Variants in DOCK5 observed in about 807,000 individuals in gnomAD.
The protein encoded by DOCK5 is dedicator of cytokinesis 5, also known as dedicator of cytokinesis protein 5.
Under a neutral mutation model 251.8 loss-of-function variants are expected in DOCK5, and 142 were observed. That is an observed-to-expected ratio of 0.56 (90% CI 0.49 to 0.65). DOCK5 has a LOEUF of 0.65. Ranked by LOEUF, DOCK5 falls within the 30% of genes least tolerant of loss-of-function variation. The probability of loss-of-function intolerance (pLI) is 0.00; values close to 1 mark genes in which losing one functional copy is unlikely to be tolerated. For synonymous variants in DOCK5, 842 were observed against 835.5 expected (o/e 1.01, Z -0.13); for missense variants, 2,111 against 2,312.3 (o/e 0.91, Z 1.79).
At chr8:25,361,032 A>T (rs1800669252) in intron 28 of DOCK5, among the ~76,000 whole-genome samples, 1 of 152,178 alleles carries the variant, frequency 6.6e-6, no homozygotes, top group South Asian at 2.1e-4. Flanking sequence ...TACCGTGCAC[A>T]GCTAGGCCTT....
At chr8:25,193,792 G>T (rs548822554) in intron 1 of DOCK5, among the ~76,000 whole-genome samples, 1 of 151,926 alleles carries the variant, frequency 6.6e-6, no homozygotes, top group South Asian at 2.1e-4. Flanking sequence ...TAAGAGAAAT[G>T]TGGCAGTAAA....
chr8:25,214,534 C>T (rs1191648000), intron 1 of DOCK5, among the ~76,000 whole-genome samples: 24 of 152,080 alleles, frequency 1.6e-4, no homozygotes, highest in Non-Finnish European at 8.8e-5. Context: ...AACATCCAGG[C>T]GGGTGACACA....
chr8:25,403,758 G>C, intron 48 of DOCK5, 34 bp downstream of exon 48: 1 of 1,608,764 alleles, frequency 6.2e-7, no homozygotes, highest in Non-Finnish European at 8.5e-7. Context: ...CAGGAAGGGT[G>C]GGGTAACGCC....
intron 5 of DOCK5, among the ~76,000 whole-genome samples, chr8:25,291,682 C>CAA (rs5890216): frequency 0.86 from 101,649 of 118,158 alleles, 44,893 homozygotes; most frequent in Non-Finnish European, 0.95. Flanking sequence ...GACTCCGTCT[C>CAA]AAAAAAAAAA....
rs201421426 is a variant in DOCK5, at chr8:25,401,037, G to A, written c.4897G>A (p.Val1633Ile). 2.6e-5 allele frequency: 42 copies of A among 1,614,036 alleles called. No individual in the cohort carries two copies. The highest frequency in any genetic ancestry group is 6.8e-6 in the Non-Finnish European group (8 of 1,179,898). Residue 1633 changes from valine (V) to isoleucine (I), a missense_variant, in exon 47 of 52, where the codon GTA (valine) becomes ATA (isoleucine). Val to Ile is a conservative substitution (Grantham distance 29). Around this residue, in one of 3 missense-constraint regions of DOCK5, gnomAD observed 1,717 missense variants for 1,892.4 expected, o/e 0.91. Coordinates refer to ENST00000276440, the MANE Select transcript of DOCK5 (RefSeq NM_024940.8). ...TTGCTTCCGGGAACTCAAGGAGAAA[G>A]TAGAAAAGCACTATGGGGTTATAAC... ...SSCFRELKEK[V>I]EKHYGVITLP...
intron 26 of DOCK5, among the ~76,000 whole-genome samples, chr8:25,346,605 C>G (rs1448006856): frequency 1.0e-5 from 1 of 97,954 alleles, no homozygotes; most frequent in East Asian, 3.4e-4. Context: ...GTGGATGGAT[C>G]ACGAGGTCAG....
chr8:25,399,045 A>G (rs17053593), intron 45 of DOCK5, among the ~76,000 whole-genome samples: 14,721 of 152,230 alleles, frequency 0.097, 751 homozygotes, highest in African/African-American at 0.12. Context: ...AAAGCAGAAG[A>G]CCGAAGGGGA....
At chr8:25,238,291 G>C (rs913800006) in intron 1 of DOCK5, among the ~76,000 whole-genome samples, 2 of 152,162 alleles carry the variant, frequency 1.3e-5, no homozygotes, top group African/African-American at 2.4e-5. Context: ...TTGCAAGCTG[G>C]GTTTAACCCT....
intron 1 of DOCK5, among the ~76,000 whole-genome samples, chr8:25,208,288 A>G (rs2117474323): frequency 6.6e-6 from 1 of 152,346 alleles, no homozygotes; most frequent in Middle Eastern, 3.4e-3. Flanking sequence ...AAACTTGTTG[A>G]CAAAGCAGTG....
chr8:25,316,471 A>C (rs949323971), intron 13 of DOCK5, among the ~76,000 whole-genome samples: 1 of 152,226 alleles, frequency 6.6e-6, no homozygotes, highest in Non-Finnish European at 1.5e-5. Context: ...ACAGAGCAAG[A>C]TCATGTATCA....
intron 7 of DOCK5, 110 bp from the exon 8 acceptor site, chr8:25,298,834 G>A (rs1804683032): frequency 1.6e-6 from 2 of 1,241,718 alleles, no homozygotes; most frequent in Admixed American, 5.4e-5. Context: ...GAGCCACTGT[G>A]CCCAGGCTTT....
chr8:25,404,276 A>G (rs1243189997), intron 48 of DOCK5, among the ~76,000 whole-genome samples: 1 of 152,024 alleles, frequency 6.6e-6, no homozygotes, highest in East Asian at 1.9e-4. Flanking sequence ...TTCATTTAAT[A>G]TTATATCTTG....
chr8:25,395,674 C>T lies in DOCK5; in HGVS notation c.4659C>T (p.Gly1553=). Reference sequence around the variant, plus strand: ...ACCCTCTCTCCATGCTGCTCAGTGGCATCGTGGACCCGGCCGTCATGGGGG... The same window carrying T: ...ACCCTCTCTCCATGCTGCTCAGTGGTATCGTGGACCCGGCCGTCATGGGGG... The part of the protein sequence containing the change: ...SVHPLSMLLS[G]IVDPAVMGGF... The change falls in exon 45 of 52, where the codon GGC becomes GGT. Residue 1553 remains glycine (G), a synonymous_variant. Transcript: ENST00000276440. The T allele has an allele frequency of 6.2e-7, 1 of 1,613,742 alleles. No homozygotes were observed. The highest frequency in any genetic ancestry group is 1.1e-5 in the South Asian group (1 of 91,058).
chr8:25,251,165 A>G (rs938991280), intron 2 of DOCK5, among the ~76,000 whole-genome samples: 1 of 152,058 alleles, frequency 6.6e-6, no homozygotes, highest in Non-Finnish European at 1.5e-5. Flanking sequence ...TCCGTAAACC[A>G]CTCACAAGCT....
At position 25,211,669 on chromosome 8, in the gene DOCK5, G is replaced by A. The variant is rs920595643; in HGVS notation, c.43+26718G>A. ...AAAAACATTAAAAAATTAGTCTGGT[G>A]CAGTGGTGCATACCTGTAGTCCCAG... On this transcript the variant is annotated intron_variant, in intron 1 of 51. Transcript: ENST00000276440. Among the ~76,000 whole-genome samples, 3 of 68,198 alleles carry A rather than the reference G, an allele frequency of 4.4e-5. 1 individual carries two copies. The highest frequency in any genetic ancestry group is 1.0e-4 in the African/African-American group (3 of 30,028). The allele number at this position is 68,198 out of a possible 152,430, so 44.7% of individuals were successfully genotyped here.
chr8:25,320,860 A>G lies in DOCK5; in HGVS notation c.1543-120A>G, dbSNP rs180690921. On this transcript the variant is annotated intron_variant, in intron 15 of 51. Coordinates refer to ENST00000276440, the MANE Select transcript of DOCK5 (RefSeq NM_024940.8). ...CTCCTTTGAATGAAACCTATACCAA[A>G]TCTCACTCTCTAGTAATTTGTGCTG... 1.5e-5 allele frequency: 12 copies of G among 802,050 alleles called. No homozygotes were observed. In the East Asian group the frequency reaches 3.2e-4, roughly 22 times the overall value. 49.7% of individuals were successfully genotyped at this position (802,050 alleles called of 1,614,324 possible).
At chr8:25,306,328 G>T (rs568431738) in intron 11 of DOCK5, among the ~76,000 whole-genome samples, 2 of 152,098 alleles carry the variant, frequency 1.3e-5, no homozygotes, top group Non-Finnish European at 2.9e-5. Flanking sequence ...CTTGTTTTGT[G>T]CATAATATAA....
Position 25,345,500 on chromosome 8 carries a change from G to A in DOCK5, c.2643G>A (p.Leu881=), listed in dbSNP as rs1445264945. The A allele has an allele frequency of 1.2e-6, 2 of 1,613,826 alleles. No individual in the cohort carries two copies. Residue 881 remains leucine (L), a synonymous_variant, in exon 26 of 52, where the codon CTG becomes CTA. Coordinates refer to ENST00000276440, the MANE Select transcript of DOCK5 (RefSeq NM_024940.8). ...QSECREVLLP[L]LTDQLSGQLD... ...AGTGCAGAGAAGTGCTGCTGCCACTGCTGACAGACCAGCTCAGCGGCCAGT... is the reference window on the plus strand; with the variant it reads ...AGTGCAGAGAAGTGCTGCTGCCACTACTGACAGACCAGCTCAGCGGCCAGT...
chr8:25,391,892 C>G lies in DOCK5; in HGVS notation c.4356-4C>G, dbSNP rs759748347. The G allele has an allele frequency of 6.2e-7, 1 of 1,613,504 alleles. No homozygotes were observed. Among genetic ancestry groups the G allele is most frequent in the Non-Finnish European group, 8.5e-7 (1 of 1,179,704 alleles). ...AAATACAGCATTGCTTTGTCCTTCT[C>G]CAGCTACTACAGAGCCAATGAAGTG... On this transcript the variant is annotated splice_region_variant and splice_polypyrimidine_tract_variant and intron_variant, in intron 42 of 51. Coordinates refer to ENST00000276440, the MANE Select transcript of DOCK5 (RefSeq NM_024940.8).
Sources: gnomAD v4.1 joint callset for allele counts (sites outside exome capture counted in the v4.1 genomes callset) on GRCh38, gnomAD v4.1.1 for gene constraint, gnomAD v4.1.1 regional missense constraint, MANE v1.5 for transcripts, NCBI Gene and HGNC (gene_info 2026-07-23, HGNC 2026-07-21) for gene names.